The following COG5 variants were observed in gnomAD, a reference collection of about 807,000 sequenced individuals.
COG5 encodes the protein conserved oligomeric Golgi complex subunit 5.
A neutral mutation model predicts 110.4 loss-of-function variants in COG5; 86 were observed. The ratio of observed to expected loss-of-function variants is 0.78; its 90% CI spans 0.65 to 0.93. The LOEUF (loss-of-function observed/expected upper bound fraction) is 0.93, where lower values mean the gene tolerates loss of function less well. Ranked by LOEUF, COG5 falls within the 40% of genes least tolerant of loss-of-function variation. The pLI is 0.00. For missense variants in COG5, 1,077 were observed against 987.0 expected (o/e 1.09, Z -1.22); for synonymous variants, 360 against 334.6 (o/e 1.08, Z -0.83).
intron 7 of COG5, among the ~76,000 whole-genome samples, chr7:107,402,533 C>G (rs545366077): frequency 1.5e-4 from 23 of 152,254 alleles, no homozygotes; most frequent in African/African-American, 5.5e-4. Context: ...GGAACTGATC[C>G]AGATCACAAT....
Position 107,241,553 on chromosome 7 carries a change from C to T in COG5, c.1854-4866G>A, listed in dbSNP as rs531215835. Among the ~76,000 whole-genome samples the T allele has an allele frequency of 1.3e-4, 19 of 151,810 alleles. No individual in the cohort carries two copies. In the East Asian group the frequency reaches 1.5e-3, roughly 12 times the overall value. On this transcript the variant is annotated intron_variant, in intron 17 of 21. Coordinates refer to ENST00000297135, the MANE Select transcript of COG5 (RefSeq NM_006348.5). ...CTGCAAGCTCCGCCTCCGGGGTTCA[C>T]GCCTTCTCCCGCCTCAGCCTCCGGA...
chr7:107,225,457 G>T (rs995318048), intron 19 of COG5, among the ~76,000 whole-genome samples: 1 of 151,974 alleles, frequency 6.6e-6, no homozygotes, highest in African/African-American at 2.4e-5. Flanking sequence ...CTTAGTCAAA[G>T]ATATTTTCAT....
intron 7 of COG5, among the ~76,000 whole-genome samples, chr7:107,376,205 A>C (rs1312434176): frequency 1.3e-5 from 2 of 152,052 alleles, no homozygotes; most frequent in African/African-American, 4.8e-5. Flanking sequence ...AGCTTTAAAT[A>C]CCAGATTTGG....
intron 5 of COG5, among the ~76,000 whole-genome samples, chr7:107,540,867 T>G (rs1801930210): frequency 6.6e-6 from 1 of 151,976 alleles, no homozygotes; most frequent in Non-Finnish European, 1.5e-5. Context: ...ATATATTTTA[T>G]AGGCCGGGCA....
intron 7 of COG5, among the ~76,000 whole-genome samples, chr7:107,410,558 T>C (rs1792205900): frequency 6.6e-6 from 1 of 152,102 alleles, no homozygotes; most frequent in Non-Finnish European, 1.5e-5. Context: ...TTCTCCTGCC[T>C]CAGCCTCCCG....
At chr7:107,437,016 C>T (rs947073234) in intron 6 of COG5, among the ~76,000 whole-genome samples, 6 of 152,024 alleles carry the variant, frequency 3.9e-5, no homozygotes, top group African/African-American at 1.4e-4. Flanking sequence ...ATGTATTGAC[C>T]AAGTCAAAAA....
At chr7:107,270,104 T>C (rs1313375152) in intron 14 of COG5, among the ~76,000 whole-genome samples, 1 of 152,214 alleles carries the variant, frequency 6.6e-6, no homozygotes, top group East Asian at 1.9e-4. Flanking sequence ...GCCTCTTCAG[T>C]CCCATTCATT....
intron 14 of COG5, among the ~76,000 whole-genome samples, chr7:107,258,835 A>G (rs1393827331): frequency 7.9e-5 from 12 of 152,142 alleles, no homozygotes; most frequent in Admixed American, 3.9e-4. Context: ...GAGAAGAGAG[A>G]GACGGGAAGG....
At chr7:107,470,593 A>G (rs1165400393) in intron 6 of COG5, 1 of 152,128 alleles carries the variant, frequency 6.6e-6, no homozygotes, top group Non-Finnish European at 1.5e-5. Context: ...ATTTCTTTTA[A>G]GACATGCTAC....
chr7:107,237,825 C>T (rs1467826628), intron 17 of COG5, among the ~76,000 whole-genome samples: 5 of 152,236 alleles, frequency 3.3e-5, no homozygotes, highest in South Asian at 4.2e-4. Flanking sequence ...TAGTAAATGA[C>T]GGCCATCTTC....
At chr7:107,539,912 C>T (rs2129167341) in intron 5 of COG5, among the ~76,000 whole-genome samples, 1 of 152,074 alleles carries the variant, frequency 6.6e-6, no homozygotes, top group East Asian at 1.9e-4. Flanking sequence ...TTGAGAGAAA[C>T]AAGAAAATGA....
chr7:107,224,698 G>A (rs1259470700), intron 19 of COG5, among the ~76,000 whole-genome samples: 1 of 152,224 alleles, frequency 6.6e-6, no homozygotes, highest in Non-Finnish European at 1.5e-5. Context: ...GAGAAGCTGA[G>A]GTAACAACCT....
intron 19 of COG5, 22 bp from the exon 20 acceptor site, chr7:107,211,247 T>G: frequency 6.2e-7 from 1 of 1,612,494 alleles, no homozygotes; most frequent in Non-Finnish European, 8.5e-7. Flanking sequence ...AAACAGAAGT[T>G]ATTTCACACT....
At chr7:107,328,550 A>G (rs796135168) in intron 10 of COG5, among the ~76,000 whole-genome samples, 48 of 152,356 alleles carry the variant, frequency 3.2e-4, no homozygotes, top group African/African-American at 1.1e-3. Flanking sequence ...GATTCTACTT[A>G]TATGAAGTAG....
At chr7:107,383,246 C>T (rs940309193) in intron 7 of COG5, among the ~76,000 whole-genome samples, 1 of 152,096 alleles carries the variant, frequency 6.6e-6, no homozygotes, top group Non-Finnish European at 1.5e-5. Flanking sequence ...ATAAGGAGTC[C>T]ATGCAACCCC....
Position 107,483,675 on chromosome 7 carries a change from G to T in COG5, c.538+43562C>A, listed in dbSNP as rs190071477. On this transcript the variant is annotated intron_variant, in intron 6 of 21. Coordinates refer to ENST00000297135, the MANE Select transcript of COG5 (RefSeq NM_006348.5). Reference sequence around the variant, plus strand: ...GCCAAGATCGCACCATTGCACTCCAGCCTGGGAGGCAACAAGAGCAAAACT... The same window carrying T: ...GCCAAGATCGCACCATTGCACTCCATCCTGGGAGGCAACAAGAGCAAAACT... Among the ~76,000 whole-genome samples the T allele has an allele frequency of 1.3e-3, 199 of 150,824 alleles. 3 individuals carry two copies. The highest frequency in any genetic ancestry group is 4.8e-3 in the African/African-American group (195 of 41,000).
At chr7:107,329,015 C>CT (rs1290119997) in intron 10 of COG5, among the ~76,000 whole-genome samples, 2 of 152,106 alleles carry the variant, frequency 1.3e-5, no homozygotes, top group Non-Finnish European at 2.9e-5. Context: ...GCCTGCAGGC[C>CT]TTTGGACTGG....
intron 19 of COG5, among the ~76,000 whole-genome samples, chr7:107,224,144 G>A (rs1230622634): frequency 6.6e-6 from 1 of 152,114 alleles, no homozygotes; most frequent in Non-Finnish European, 1.5e-5. Flanking sequence ...TTCAAGGGAT[G>A]GGTTAAGGGC....
chr7:107,268,284 T>C (rs765328887), intron 14 of COG5, among the ~76,000 whole-genome samples: 2 of 152,196 alleles, frequency 1.3e-5, no homozygotes, highest in African/African-American at 2.4e-5. Flanking sequence ...ATTCTTTATA[T>C]ATAGTCCAAC....
Sources: gnomAD v4.1 joint callset for allele counts (sites outside exome capture counted in the v4.1 genomes callset) on GRCh38, gnomAD v4.1.1 for gene constraint, MANE v1.5 for transcripts, NCBI Gene and HGNC (gene_info 2026-07-23, HGNC 2026-07-21) for gene names.